Variants in SCARA5 observed in about 807,000 individuals in gnomAD.
SCARA5 encodes the protein scavenger receptor class A, member 5 (putative).
SCARA5 carries 45 observed loss-of-function variants against 46.3 expected under a neutral mutation model. That is an observed-to-expected ratio of 0.97 (90% CI 0.76 to 1.24). The LOEUF (loss-of-function observed/expected upper bound fraction) is 1.24, where lower values mean the gene tolerates loss of function less well. Ranked by LOEUF, SCARA5 falls within the 50% of genes most tolerant of loss-of-function variation. The pLI is 0.00. For missense variants in SCARA5, 680 were observed against 689.0 expected (o/e 0.99, Z 0.15); for synonymous variants, 333 against 306.5 (o/e 1.09, Z -0.90).
At chr8:27,889,395 G>C (rs940547868) in intron 7 of SCARA5, among the ~76,000 whole-genome samples, 7 of 152,178 alleles carry the variant, frequency 4.6e-5, no homozygotes, top group Non-Finnish European at 7.4e-5. Flanking sequence ...AGCTGGTAGA[G>C]ACTTGAAGAT....
At chr8:27,951,117 T>C (rs1808119859) in intron 3 of SCARA5, among the ~76,000 whole-genome samples, 1 of 152,222 alleles carries the variant, frequency 6.6e-6, no homozygotes. Flanking sequence ...ACTCATGGAA[T>C]TTTTAAAAAG....
chr8:27,991,128 C>T (rs1032795168), intron 1 of SCARA5, among the ~76,000 whole-genome samples: 7 of 152,228 alleles, frequency 4.6e-5, no homozygotes, highest in Admixed American at 2.6e-4. Context: ...AGCTCCTCTG[C>T]GTATTGGTTT....
chr8:27,896,437 G>A (rs1204492037), intron 7 of SCARA5, among the ~76,000 whole-genome samples: 2 of 152,182 alleles, frequency 1.3e-5, no homozygotes, highest in Admixed American at 6.5e-5. Flanking sequence ...GGTCAGGACT[G>A]TCTTGAGAAC....
At chr8:27,941,797 CATCATTATTATTATT>C (rs1807949099) in intron 3 of SCARA5, among the ~76,000 whole-genome samples, 1 of 109,992 alleles carries the variant, frequency 9.1e-6, no homozygotes, top group African/African-American at 3.1e-5. Context: ...CCATTTACAT[CATCATTATTATTATT>C]ATTATTATTA....
At chr8:27,937,033 TGCCAGAA>T (rs778650367) in intron 3 of SCARA5, among the ~76,000 whole-genome samples, 173 of 152,354 alleles carry the variant, frequency 1.1e-3, no homozygotes, top group Non-Finnish European at 1.9e-3. Flanking sequence ...TTACCAGCAC[TGCCAGAA>T]AACCAAGAGT....
chr8:27,941,378 G>C (rs1297900843), intron 3 of SCARA5, among the ~76,000 whole-genome samples: 1 of 152,168 alleles, frequency 6.6e-6, no homozygotes, highest in Non-Finnish European at 1.5e-5. Flanking sequence ...CTTGGACATG[G>C]GAATTTGTCT....
At chr8:27,878,723 G>A (rs1320516313) in intron 8 of SCARA5, among the ~76,000 whole-genome samples, 1 of 152,116 alleles carries the variant, frequency 6.6e-6, no homozygotes, top group Non-Finnish European at 1.5e-5. Context: ...CTAAACATCG[G>A]GTCTGACATT....
intron 8 of SCARA5, 65 bp downstream of exon 8, chr8:27,879,504 A>T (rs1342271493): frequency 6.7e-7 from 1 of 1,482,016 alleles, no homozygotes; most frequent in Non-Finnish European, 9.3e-7. Flanking sequence ...CGGGCTTTGG[A>T]GGTGAGCCCA....
At chr8:27,954,242 C>T (rs554820720) in intron 3 of SCARA5, among the ~76,000 whole-genome samples, 1 of 152,132 alleles carries the variant, frequency 6.6e-6, no homozygotes, top group East Asian at 1.9e-4. Flanking sequence ...TCCACCAGGG[C>T]AGTCAACACC....
At chr8:27,928,308 C>A (rs78257508) in intron 3 of SCARA5, among the ~76,000 whole-genome samples, 4,419 of 152,266 alleles carry the variant, frequency 0.029, 105 homozygotes, top group East Asian at 0.052. Flanking sequence ...TTTAATTATT[C>A]TTCAACTTTT....
intron 3 of SCARA5, among the ~76,000 whole-genome samples, chr8:27,955,105 CTGCCCCA>C (rs1808186642): frequency 6.6e-6 from 1 of 152,182 alleles, no homozygotes; most frequent in Non-Finnish European, 1.5e-5. Context: ...ACCATTGTCA[CTGCCCCA>C]CCCCATGTTC....
At chr8:27,967,677 C>T (rs1004171805) in intron 2 of SCARA5, among the ~76,000 whole-genome samples, 1 of 152,128 alleles carries the variant, frequency 6.6e-6, no homozygotes, top group Non-Finnish European at 1.5e-5. Flanking sequence ...CTGTGGGAGG[C>T]CAAGGTGGGT....
intron 3 of SCARA5, among the ~76,000 whole-genome samples, chr8:27,927,500 C>T (rs1807700152): frequency 6.6e-6 from 1 of 152,074 alleles, no homozygotes; most frequent in South Asian, 2.1e-4. Flanking sequence ...TGGGTTTTTT[C>T]CCACCTAATA....
intron 4 of SCARA5, among the ~76,000 whole-genome samples, chr8:27,915,996 C>A (rs1217293470): frequency 6.6e-6 from 1 of 152,216 alleles, no homozygotes; most frequent in African/African-American, 2.4e-5. Context: ...CCCTCCTGGG[C>A]TCCTTCTCCT....
At chr8:27,964,213 C>T (rs1488079868) in intron 3 of SCARA5, among the ~76,000 whole-genome samples, 2 of 152,168 alleles carry the variant, frequency 1.3e-5, no homozygotes, top group African/African-American at 2.4e-5. Flanking sequence ...CTATGCTGCC[C>T]TCACCAAACC....
intron 4 of SCARA5, among the ~76,000 whole-genome samples, chr8:27,917,318 T>G (rs946936207): frequency 6.6e-6 from 1 of 152,224 alleles, no homozygotes; most frequent in Non-Finnish European, 1.5e-5. Flanking sequence ...AGAAGAACCA[T>G]GGCAAATGAG....
chr8:27,878,025 G>C (rs559601979), intron 8 of SCARA5, among the ~76,000 whole-genome samples: 1 of 152,336 alleles, frequency 6.6e-6, no homozygotes, highest in South Asian at 2.1e-4. Context: ...TCACCCTGTA[G>C]CCATTTAGCA....
chr8:27,940,381 C>A lies in SCARA5; in HGVS notation c.242-18136G>T, dbSNP rs538307445. 2.6e-5 allele frequency among the ~76,000 whole-genome samples: 4 copies of A among 152,220 alleles called. No individual in the cohort carries two copies. In the South Asian group the frequency reaches 6.2e-4, roughly 24 times the overall value. On this transcript the variant is annotated intron_variant, in intron 3 of 8. Transcript: ENST00000354914. ...TTCTTTAAAAGGTGGACTCACAGTG[C>A]AGTAAGATCGTGGACACTTTGAGCC...
At chr8:27,982,654 G>T (rs1286222794) in intron 2 of SCARA5, among the ~76,000 whole-genome samples, 2 of 152,166 alleles carry the variant, frequency 1.3e-5, no homozygotes, top group African/African-American at 2.4e-5. Context: ...AAGGGAGGAG[G>T]CAGATTCCAG....
Sources: gnomAD v4.1 joint callset for allele counts (sites outside exome capture counted in the v4.1 genomes callset) on GRCh38, gnomAD v4.1.1 for gene constraint, MANE v1.5 for transcripts, NCBI Gene and HGNC (gene_info 2026-07-23, HGNC 2026-07-21) for gene names.